The following DEPDC1B variants were observed in gnomAD, a reference collection of about 807,000 sequenced individuals.
The protein encoded by DEPDC1B is DEP domain containing 1B.
In DEPDC1B, 51 loss-of-function variants were observed where a neutral mutation model predicts 66.5. The observed-to-expected ratio is 0.77, with a 90% CI of 0.61 to 0.97. DEPDC1B has a LOEUF of 0.97. DEPDC1B is among the 50% of genes least tolerant of loss of function. DEPDC1B has a pLI of 0.00. For missense variants in DEPDC1B, 552 were observed against 637.1 expected (o/e 0.87, Z 1.44); for synonymous variants, 226 against 223.6 (o/e 1.01, Z -0.10).
At chr5:60,606,464 T>C (rs949879579) in intron 7 of DEPDC1B, among the ~76,000 whole-genome samples, 1 of 151,980 alleles carries the variant, frequency 6.6e-6, no homozygotes, top group Admixed American at 6.6e-5. Context: ...ATCTCAGGTA[T>C]GATTTTGCTA....
At chr5:60,650,038 A>T (rs1753408611) in intron 2 of DEPDC1B, among the ~76,000 whole-genome samples, 1 of 151,880 alleles carries the variant, frequency 6.6e-6, no homozygotes, top group Non-Finnish European at 1.5e-5. Flanking sequence ...TTAATATAAA[A>T]ATTTTTATGA....
rs1437351631 is a variant in DEPDC1B, at chr5:60,667,834, T to C, written c.314+19128A>G. 1.7e-5 allele frequency among the ~76,000 whole-genome samples: 2 copies of C among 119,774 alleles called. 1 individual carries two copies. Among genetic ancestry groups the C allele is most frequent in the Non-Finnish European group, 3.2e-5 (2 of 61,610 alleles). The allele number at this position is 119,774 out of a possible 152,430, so 78.6% of individuals were successfully genotyped here. On this transcript the variant is annotated intron_variant, in intron 2 of 10. Coordinates refer to ENST00000265036, the MANE Select transcript of DEPDC1B (RefSeq NM_018369.3). Reference sequence around the variant, plus strand: ...ATAAAAAATGGATATTTTACATATATGTAAAAAATGGATATTTTACATATA... The same window carrying C: ...ATAAAAAATGGATATTTTACATATACGTAAAAAATGGATATTTTACATATA...
intron 7 of DEPDC1B, among the ~76,000 whole-genome samples, chr5:60,612,494 A>C (rs1055083981): frequency 7.1e-6 from 1 of 141,808 alleles, no homozygotes; most frequent in African/African-American, 2.5e-5. Context: ...CACATGGTTT[A>C]GTGAAGATTT....
chr5:60,632,270 C>T (rs116094964), intron 7 of DEPDC1B, among the ~76,000 whole-genome samples: 144 of 152,296 alleles, frequency 9.5e-4, no homozygotes, highest in African/African-American at 3.3e-3. Flanking sequence ...ACTCCATGCC[C>T]GTGTCCTGGA....
chr5:60,608,709 A>C (rs1356816933), intron 7 of DEPDC1B, among the ~76,000 whole-genome samples: 1 of 152,054 alleles, frequency 6.6e-6, no homozygotes, highest in Non-Finnish European at 1.5e-5. Flanking sequence ...TATTAAACAA[A>C]TATGTAAAAA....
Position 60,599,125 on chromosome 5 carries a change from T to C in DEPDC1B, c.1378A>G (p.Ile460Val), listed in dbSNP as rs1752152133. Residue 460 changes from isoleucine to valine, a missense_variant, in exon 10 of 11, where the codon ATA (isoleucine) becomes GTA (valine). Physicochemically the swap from Ile to Val is conservative, Grantham distance 29. Transcript: ENST00000265036. The stretch of plus-strand genomic sequence containing the variant: ...TTGTTGGAGAGTTTGGCATCTGTTA[T>C]GACTTCCTCCAACAAGGCTGCCAGA... The part of the protein sequence containing the change: ...EPLAALLEEV[I>V]TDAKLSNKEK... 1.2e-6 allele frequency: 2 copies of C among 1,613,062 alleles called. No homozygotes were observed. Among genetic ancestry groups the C allele is most frequent in the African/African-American group, 1.3e-5 (1 of 74,946 alleles).
intron 2 of DEPDC1B, among the ~76,000 whole-genome samples, chr5:60,656,159 ATTTTTTT>A (rs59421459): frequency 0.082 from 10,372 of 126,024 alleles, 612 homozygotes; most frequent in East Asian, 0.21. Context: ...GTTTAAGTCC[ATTTTTTT>A]TTTTTTTTTT....
chr5:60,628,390 T>C (rs1752849179), intron 7 of DEPDC1B: 1 of 152,184 alleles, frequency 6.6e-6, no homozygotes, highest in South Asian at 2.1e-4. Context: ...CATGAAGGTT[T>C]TTGAGACGGC....
At chr5:60,656,788 C>G (rs907564411) in intron 2 of DEPDC1B, among the ~76,000 whole-genome samples, 6 of 152,240 alleles carry the variant, frequency 3.9e-5, no homozygotes, top group African/African-American at 1.4e-4. Flanking sequence ...GGAAAACTGT[C>G]CCCAGGATCC....
chr5:60,625,373 G>A (rs184932367), intron 7 of DEPDC1B, among the ~76,000 whole-genome samples: 125 of 152,232 alleles, frequency 8.2e-4, no homozygotes, highest in African/African-American at 2.6e-3. Context: ...GTGTAAAAGC[G>A]TTCCTATTTT....
intron 7 of DEPDC1B, chr5:60,628,190 T>A (rs1752844781): frequency 6.6e-6 from 1 of 152,232 alleles, no homozygotes; most frequent in African/African-American, 2.4e-5. Flanking sequence ...TTCAGAATTG[T>A]TAAGTGCTTT....
intron 5 of DEPDC1B, among the ~76,000 whole-genome samples, 162 bp from the exon 6 acceptor site, chr5:60,643,021 T>G (rs1753226448): frequency 6.6e-6 from 1 of 152,200 alleles, no homozygotes; most frequent in Non-Finnish European, 1.5e-5. Context: ...GATGGAAACC[T>G]TTCCTTGTCA....
intron 1 of DEPDC1B, among the ~76,000 whole-genome samples, chr5:60,689,540 C>G (rs1754496987): frequency 6.6e-6 from 1 of 152,182 alleles, no homozygotes. Flanking sequence ...TTTAACAAAT[C>G]TATGTTCTAC....
chr5:60,628,804 A>C (rs1421143185), intron 7 of DEPDC1B: 1 of 152,214 alleles, frequency 6.6e-6, no homozygotes, highest in Non-Finnish European at 1.5e-5. Context: ...TTAGACACCT[A>C]AACACCAGGC....
intron 2 of DEPDC1B, among the ~76,000 whole-genome samples, chr5:60,660,185 GGAGA>G (rs969142097): frequency 5.3e-5 from 8 of 151,064 alleles, no homozygotes; most frequent in African/African-American, 1.2e-4. Context: ...GAGACAGAGA[GGAGA>G]GAGAGAGAGA....
At position 60,600,102 on chromosome 5, in the gene DEPDC1B, G is replaced by A. The variant is rs565051800; in HGVS notation, c.1243-842C>T. ...GGATATCCACTGGAACTATCCAGGC[G>A]CATTCCCACATCTGAAGAGTGTGAT... On this transcript the variant is annotated intron_variant, in intron 9 of 10. Coordinates refer to ENST00000265036, the MANE Select transcript of DEPDC1B (RefSeq NM_018369.3). Among the ~76,000 whole-genome samples, 10 of 152,278 alleles carry A rather than the reference G, an allele frequency of 6.6e-5. 1 individual carries two copies. In the South Asian group the frequency reaches 1.9e-3, roughly 28 times the overall value.
In DEPDC1B at chr5:60,677,326, A is replaced by ACACTCTCT. The variant is rs770640655; in HGVS notation, c.314+9635_314+9636insAGAGAGTG. Among the ~76,000 whole-genome samples, 952 of 108,534 alleles carry ACACTCTCT rather than the reference A, an allele frequency of 8.8e-3. 16 individuals carry two copies. The highest frequency in any genetic ancestry group is 0.031 in the African/African-American group (772 of 25,280). 71.2% of individuals were successfully genotyped at this position (108,534 alleles called of 152,430 possible). A position where few individuals can be genotyped will look rare whatever the true frequency, so the allele number is the denominator to read the frequency against. On this transcript the variant is annotated intron_variant, in intron 2 of 10. Transcript: ENST00000265036. ...CACACACACACACACACACACACAC[A>ACACTCTCT]CTCTCTCTCTCTCTCTCTCTCTCTC...
In DEPDC1B at chr5:60,605,773, G is replaced by C. The variant is rs771419300; in HGVS notation, c.982C>G (p.Gln328Glu). The change falls in exon 8 of 11, where the codon CAG (glutamine) becomes GAG (glutamate). Residue 328 changes from glutamine to glutamate, a missense_variant. Gln to Glu is a conservative substitution (Grantham distance 29). Transcript: ENST00000265036. ...CTTGCCATCATCCTCATCAATAGCT[G>C]TAACTTTCTCCTATTTTCAGGAGGT... ...LLPPENRRKL[Q>E]LLMRMMARIC... The C allele has an allele frequency of 6.2e-7, 1 of 1,613,404 alleles. No homozygotes were observed. The highest frequency in any genetic ancestry group is 8.5e-7 in the Non-Finnish European group (1 of 1,179,710).
intron 1 of DEPDC1B, among the ~76,000 whole-genome samples, chr5:60,695,378 A>T (rs1470059799): frequency 6.6e-6 from 1 of 152,144 alleles, no homozygotes; most frequent in Non-Finnish European, 1.5e-5. Flanking sequence ...GGGGAACAAG[A>T]GAGAGTGAGG....
Sources: allele counts gnomAD v4.1 joint callset (sites outside exome capture counted in the v4.1 genomes callset), GRCh38; gene constraint gnomAD v4.1.1; transcripts MANE v1.5; gene names NCBI Gene and HGNC (gene_info 2026-07-23, HGNC 2026-07-21).